Variants in RANBP17 observed in about 807,000 individuals in gnomAD.
RANBP17 encodes ran-binding protein 17.
In RANBP17, 158 loss-of-function variants were observed where a neutral mutation model predicts 141.2. That is an observed-to-expected ratio of 1.12 (90% CI 0.98 to 1.28). The LOEUF (loss-of-function observed/expected upper bound fraction) is 1.28. Among genes scored for constraint, RANBP17 ranks in the 50% most tolerant of loss-of-function variants. The pLI is 0.00. For synonymous variants in RANBP17, 430 were observed against 450.0 expected (o/e 0.96, Z 0.56); for missense variants, 1,438 against 1,290.7 (o/e 1.11, Z -1.75).
At chr5:171,184,705 A>C (rs1416411823) in intron 18 of RANBP17, among the ~76,000 whole-genome samples, 11 of 152,192 alleles carry the variant, frequency 7.2e-5, no homozygotes, top group Admixed American at 6.5e-4. Flanking sequence ...TGTACCTCAA[A>C]TATATTGCAG....
At chr5:171,144,499 T>C (rs1757910009) in intron 14 of RANBP17, among the ~76,000 whole-genome samples, 1 of 152,206 alleles carries the variant, frequency 6.6e-6, no homozygotes, top group African/African-American at 2.4e-5. Context: ...AGTGGCCTAG[T>C]CCTAGAGGGA....
chr5:170,862,603 TG>T (rs1766897300), intron 1 of RANBP17, among the ~76,000 whole-genome samples: 1 of 151,888 alleles, frequency 6.6e-6, no homozygotes, highest in African/African-American at 2.4e-5. Context: ...GGGCTGCGTC[TG>T]GGGGGAGTTG....
intron 1 of RANBP17, among the ~76,000 whole-genome samples, chr5:170,864,631 T>C (rs1767088269): frequency 6.6e-6 from 1 of 152,104 alleles, no homozygotes; most frequent in Non-Finnish European, 1.5e-5. Flanking sequence ...AAGTAAGAGG[T>C]AGGCACTTTA....
At chr5:171,068,825 A>T (rs1238935935) in intron 14 of RANBP17, among the ~76,000 whole-genome samples, 3 of 152,128 alleles carry the variant, frequency 2.0e-5, no homozygotes, top group African/African-American at 7.2e-5. Flanking sequence ...ACCTCAAGTG[A>T]TCTACTCGCC....
Position 170,935,447 on chromosome 5 carries a change from T to C in RANBP17, c.1468+10897T>C, listed in dbSNP as rs137915462. 9.7e-3 allele frequency among the ~76,000 whole-genome samples: 1,482 copies of C among 152,334 alleles called. 18 individuals carry two copies. Among genetic ancestry groups the C allele is most frequent in the African/African-American group, 0.033 (1,368 of 41,570 alleles). ...TTCTCCCCATCTTTGTGGTTTTATC[T>C]ACCTTTGGTCTTTGATGATGGTGAC... is the stretch of plus-strand genomic sequence containing the variant. On this transcript the variant is annotated intron_variant, in intron 12 of 27. Transcript: ENST00000523189.
rs1431853496 is a variant in RANBP17, at chr5:171,170,132, A to G, written c.1713A>G (p.Val571=). 10 of 1,546,134 alleles carry G rather than the reference A, an allele frequency of 6.5e-6. No individual in the cohort carries two copies. The highest frequency in any genetic ancestry group is 7.9e-6 in the Non-Finnish European group (9 of 1,132,528). The change falls in exon 15 of 28, where the codon GTA becomes GTG. Residue 571 remains valine (V), a splice_region_variant and synonymous_variant. Coordinates refer to ENST00000523189, the MANE Select transcript of RANBP17 (RefSeq NM_022897.5). ...VGDQLQRTSK[V]YARMSEVLGI... ...AACAATGAAATGTTTTAATGCAGGT[A>G]TATGCTCGTATGTCAGAAGTCTTAG...
At chr5:171,197,900 G>A (rs929299476) in intron 18 of RANBP17, among the ~76,000 whole-genome samples, 4 of 152,166 alleles carry the variant, frequency 2.6e-5, no homozygotes, top group Non-Finnish European at 5.9e-5. Context: ...TTAGCCGGGC[G>A]TTGTGGCAGG....
chr5:171,248,744 G>C (rs1033660727), intron 24 of RANBP17, among the ~76,000 whole-genome samples: 1 of 152,104 alleles, frequency 6.6e-6, no homozygotes, highest in Non-Finnish European at 1.5e-5. Context: ...CACAGCCCTT[G>C]TATCTCCACA....
chr5:171,099,795 G>A (rs902057318), intron 14 of RANBP17, among the ~76,000 whole-genome samples: 13 of 152,114 alleles, frequency 8.5e-5, no homozygotes, highest in African/African-American at 3.1e-4. Flanking sequence ...CTAATTTATT[G>A]AGTGTTTTTA....
At chr5:171,100,166 T>C (rs1391267597) in intron 14 of RANBP17, among the ~76,000 whole-genome samples, 1 of 152,220 alleles carries the variant, frequency 6.6e-6, no homozygotes, top group Non-Finnish European at 1.5e-5. Context: ...TTGGAATCGT[T>C]TCAGAAGGAA....
chr5:170,973,486 A>G (rs1777135412), intron 14 of RANBP17, among the ~76,000 whole-genome samples: 2 of 152,242 alleles, frequency 1.3e-5, no homozygotes, highest in African/African-American at 4.8e-5. Context: ...TGTGAATCAG[A>G]AAACACAATA....
chr5:170,954,178 A>G (rs943257552), intron 13 of RANBP17, among the ~76,000 whole-genome samples: 29 of 152,116 alleles, frequency 1.9e-4, no homozygotes, highest in Admixed American at 6.5e-5. Context: ...AAGTGAATTG[A>G]TTTTCCATAT....
intron 14 of RANBP17, among the ~76,000 whole-genome samples, chr5:171,132,734 A>C (rs1361272967): frequency 4.6e-5 from 7 of 152,094 alleles, no homozygotes; most frequent in Admixed American, 6.6e-5. Context: ...GAAAAAAAAA[A>C]GACTTCATTT....
intron 14 of RANBP17, among the ~76,000 whole-genome samples, chr5:171,019,507 A>G (rs1464806198): frequency 6.6e-6 from 1 of 152,038 alleles, no homozygotes; most frequent in Non-Finnish European, 1.5e-5. Flanking sequence ...GTGTCCAGGA[A>G]TTTATCCATT....
intron 14 of RANBP17, among the ~76,000 whole-genome samples, chr5:171,146,215 A>G (rs1474672444): frequency 6.6e-6 from 1 of 152,246 alleles, no homozygotes; most frequent in Non-Finnish European, 1.5e-5. Context: ...GAAGGAAGAC[A>G]TGGATGATAA....
intron 8 of RANBP17, among the ~76,000 whole-genome samples, chr5:170,915,418 T>C (rs1221959584): frequency 6.6e-6 from 1 of 152,100 alleles, no homozygotes; most frequent in Non-Finnish European, 1.5e-5. Flanking sequence ...AATATTGGCA[T>C]TGAGATTGAA....
intron 5 of RANBP17, among the ~76,000 whole-genome samples, chr5:170,906,016 A>G (rs1771048941): frequency 6.6e-6 from 1 of 152,074 alleles, no homozygotes; most frequent in African/African-American, 2.4e-5. Flanking sequence ...AGTAAAGAGA[A>G]GTTTTTTCTC....
chr5:171,006,196 T>G (rs557873529), intron 14 of RANBP17, among the ~76,000 whole-genome samples: 1 of 152,188 alleles, frequency 6.6e-6, no homozygotes, highest in African/African-American at 2.4e-5. Context: ...GGCGATTCCT[T>G]CGGGATCTAG....
intron 14 of RANBP17, among the ~76,000 whole-genome samples, chr5:170,988,604 A>G (rs551389472): frequency 6.6e-6 from 1 of 151,812 alleles, no homozygotes; most frequent in Admixed American, 6.6e-5. Flanking sequence ...ATCATCAACA[A>G]GGCAATCTTC....
Sources: allele counts gnomAD v4.1 joint callset (sites outside exome capture counted in the v4.1 genomes callset), GRCh38; gene constraint gnomAD v4.1.1; transcripts MANE v1.5; gene names NCBI Gene and HGNC (gene_info 2026-07-23, HGNC 2026-07-21).